The following A2M variants were observed in gnomAD, a reference collection of about 807,000 sequenced individuals.
A2M encodes the protein C3 and PZP-like alpha-2-macroglobulin domain-containing protein 5.
Under a neutral mutation model 183.9 loss-of-function variants are expected in A2M, and 128 were observed. The ratio of observed to expected loss-of-function variants is 0.70; its 90% confidence interval spans 0.60 to 0.81. A2M has a LOEUF of 0.81. Ranked by LOEUF, A2M falls within the 30% of genes least tolerant of loss-of-function variation. The pLI is 0.00. For missense variants in A2M, 1,495 were observed against 1,787.6 expected, an observed-to-expected ratio of 0.84 and a Z score of 2.95; for synonymous variants, 592 against 670.8, an observed-to-expected ratio of 0.88 and a Z score of 1.81.
At chr12:9,086,623 T>C (rs1258063467) in intron 22 of A2M, among the ~76,000 whole-genome samples, 2 of 152,208 alleles carry the variant, frequency 1.3e-5, no homozygotes, top group Admixed American at 6.5e-5. Flanking sequence ...CCAAATTAGA[T>C]ATACAAGCAA....
chr12:9,113,281 G>T, intron 2 of A2M, 79 bp downstream of exon 2: 1 of 1,485,484 alleles, frequency 6.7e-7, no homozygotes, highest in Non-Finnish European at 9.2e-7. Flanking sequence ...ACCTCCCAAA[G>T]CCTCATCTGA....
intron 22 of A2M, 99 bp downstream of exon 22, chr12:9,089,101 C>T (rs1949130927): frequency 1.0e-6 from 1 of 968,628 alleles, no homozygotes; most frequent in African/African-American, 1.7e-5. Flanking sequence ...TGCTTCAGGT[C>T]TTAGATCACA....
chr12:9,077,467 C>G (rs751545822), intron 26 of A2M, 47 bp from the exon 27 acceptor site: 3 of 1,557,696 alleles, frequency 1.9e-6, no homozygotes, highest in Non-Finnish European at 2.6e-6. Flanking sequence ...TCTGAGAATG[C>G]TATTGATTAG....
chr12:9,108,312 G>A (rs973182573), intron 7 of A2M, among the ~76,000 whole-genome samples: 68 of 152,026 alleles, frequency 4.5e-4, no homozygotes, highest in Non-Finnish European at 7.9e-4. Flanking sequence ...TTTTTTAGTA[G>A]AGACGGGGTT....
At chr12:9,107,237 A>C (rs1271211954) in intron 8 of A2M, among the ~76,000 whole-genome samples, 4 of 152,168 alleles carry the variant, frequency 2.6e-5, no homozygotes, top group African/African-American at 9.7e-5. Context: ...TGGCCAGCTA[A>C]GGCAATTAAG....
intron 1 of A2M, 25 bp downstream of exon 1, chr12:9,115,739 T>C: frequency 2.5e-6 from 4 of 1,580,588 alleles, no homozygotes; most frequent in Non-Finnish European, 3.5e-6. Context: ...AGGTTCATGC[T>C]TCACGCTCTC....
intron 11 of A2M, among the ~76,000 whole-genome samples, chr12:9,103,076 G>A (rs1938010902): frequency 6.6e-6 from 1 of 152,148 alleles, no homozygotes; most frequent in Non-Finnish European, 1.5e-5. Context: ...GTATGAACAG[G>A]TCATCTGGAG....
Position 9,099,528 on chromosome 12 carries a change from G to A in A2M, c.1559-5C>T. 1 of 1,604,762 alleles carries A rather than the reference G, an allele frequency of 6.2e-7. No homozygotes were observed. Among genetic ancestry groups the A allele is most frequent in the African/African-American group, 1.3e-5 (1 of 74,830 alleles). On this transcript the variant is annotated splice_region_variant and splice_polypyrimidine_tract_variant and intron_variant, in intron 13 of 35. Transcript: ENST00000318602. ...AGATGGAAAAATGGCCCTTCACTGGGGCACAAAGAGAATGAGAGGAAGCCA... is the reference window on the plus strand; with the variant it reads ...AGATGGAAAAATGGCCCTTCACTGGAGCACAAAGAGAATGAGAGGAAGCCA...
intron 22 of A2M, among the ~76,000 whole-genome samples, chr12:9,088,674 G>A (rs1949119050): frequency 6.6e-6 from 1 of 152,112 alleles, no homozygotes; most frequent in South Asian, 2.1e-4. Context: ...AATTTTTCCT[G>A]TAAGTTTCTT....
Position 9,069,738 on chromosome 12 carries a change from C to T in A2M, c.4263+7G>A, listed in dbSNP as rs1417038302. 3 of 1,608,816 alleles carry T rather than the reference C, an allele frequency of 1.9e-6. No individual in the cohort carries two copies. In the Admixed American group the frequency reaches 5.0e-5, roughly 27 times the overall value. ...TTTTTTTGCAAATAGACTGGAAGTT[C>T]TCTTACCTTATCAAGGTAAATCAAG... On this transcript the variant is annotated splice_region_variant and intron_variant, in intron 33 of 35. Transcript: ENST00000318602.
intron 1 of A2M, among the ~76,000 whole-genome samples, chr12:9,114,023 G>A (rs748041159): frequency 1.3e-5 from 2 of 152,202 alleles, no homozygotes; most frequent in Admixed American, 6.5e-5. Context: ...GTAAGCACTC[G>A]CTTCCACTCC....
intron 9 of A2M, 30 bp downstream of exon 9, chr12:9,106,461 T>C: frequency 6.7e-7 from 1 of 1,486,914 alleles, no homozygotes; most frequent in Non-Finnish European, 9.3e-7. Flanking sequence ...GCCTGTTGTG[T>C]TTTCTCTTAT....
chr12:9,089,370 G>T (rs1949138989), intron 21 of A2M, 119 bp from the exon 22 acceptor site: 2 of 763,350 alleles, frequency 2.6e-6, no homozygotes, highest in Non-Finnish European at 4.4e-6. Flanking sequence ...TATTATCTAA[G>T]AAAATTCTGT....
In A2M at chr12:9,115,845, C is replaced by G. The variant is rs1263123515; in HGVS notation, c.5G>C (p.Gly2Ala). Residue 2 changes from glycine to alanine, a missense_variant, in exon 1 of 36, where the codon GGG becomes GCG. Coordinates refer to ENST00000318602, the MANE Select transcript of A2M (RefSeq NM_000014.6). Reference protein sequence around the residue: MGKNKLLHPSLV... With the variant: MAKNKLLHPSLV... ...ACTTGGATGAAGGAGTTTGTTCTTC[C>G]CCATGTTGCAGAAAGAAGGAGCTGG... 6.2e-7 allele frequency: 1 copy of G among 1,612,786 alleles called. No homozygotes were observed. The highest frequency in any genetic ancestry group is 8.5e-7 in the Non-Finnish European group (1 of 1,179,026).
chr12:9,077,569 T>C, intron 26 of A2M, 132 bp downstream of exon 26: 1 of 1,489,568 alleles, frequency 6.7e-7, no homozygotes. Context: ...TTCTATCCCC[T>C]CTTTTTTGGT....
chr12:9,102,952 C>G (rs1339286037), intron 11 of A2M, among the ~76,000 whole-genome samples: 2 of 152,112 alleles, frequency 1.3e-5, no homozygotes, highest in Admixed American at 1.3e-4. Flanking sequence ...TTTTCCATTA[C>G]CATGATTATG....
In A2M at chr12:9,098,701, C is replaced by T. The variant is rs190555000; in HGVS notation, c.1757G>A (p.Arg586Gln). ...QSLPASHAHL[R>Q]VTAAPQSVCA... ...GACGGACTGAGGAGCCGCTGTGACT[C>T]GCAGGTGGGCGTGTGAGGCTGGGAG... Residue 586 changes from arginine to glutamine, a missense_variant, in exon 15 of 36, where the codon CGA becomes CAA. Physicochemically the swap from Arg to Gln is conservative, Grantham distance 43. Coordinates refer to ENST00000318602, the MANE Select transcript of A2M (RefSeq NM_000014.6). The T allele has an allele frequency of 6.8e-5, 109 of 1,612,370 alleles. No homozygotes were observed. In the East Asian group the frequency reaches 2.3e-3, roughly 34 times the overall value.
In A2M at chr12:9,099,373, A is replaced by G. The variant is rs2137865990; in HGVS notation, c.1701+8T>C. Reference sequence around the variant, plus strand: ...CATGTTGAAGATTTTATGATCTAAAACACACACCTTGTTGGCCAGACAATT... The same window carrying G: ...CATGTTGAAGATTTTATGATCTAAAGCACACACCTTGTTGGCCAGACAATT... On this transcript the variant is annotated splice_region_variant and intron_variant, in intron 14 of 35. Coordinates refer to ENST00000318602, the MANE Select transcript of A2M (RefSeq NM_000014.6). 1 of 1,553,230 alleles carries G rather than the reference A, an allele frequency of 6.4e-7. No homozygotes were observed.
At chr12:9,069,857 AC>A in intron 32 of A2M, 44 bp from the exon 33 acceptor site, 6 of 1,562,094 alleles carry the variant, frequency 3.8e-6, no homozygotes, top group Non-Finnish European at 5.3e-6. Flanking sequence ...AATAGATGAA[AC>A]CCCTGGGGGA....
Sources: gnomAD v4.1 joint callset for allele counts (sites outside exome capture counted in the v4.1 genomes callset) on GRCh38, gnomAD v4.1.1 for gene constraint, MANE v1.5 for transcripts, NCBI Gene and HGNC (gene_info 2026-07-23, HGNC 2026-07-21) for gene names.